SIK3: variants seen among roughly 807,000 people sequenced by gnomAD.
SIK3 encodes the protein serine/threonine-protein kinase SIK3.
A neutral mutation model predicts 144.2 loss-of-function variants in SIK3; 28 were observed. That is an observed-to-expected ratio of 0.19 (90% confidence interval 0.14 to 0.27). The LOEUF is 0.27. Among genes scored for constraint, SIK3 ranks in the 10% least tolerant of loss-of-function variants. The pLI, the probability that SIK3 is intolerant of heterozygous loss-of-function variation, is 1.00. For synonymous variants in SIK3, 686 were observed against 676.3 expected (o/e 1.01, Z -0.22); for missense variants, 1,319 against 1,776.0 (o/e 0.74, Z 4.62).
intron 3 of SIK3, among the ~76,000 whole-genome samples, chr11:116,948,032 T>A (rs1279515820): frequency 1.3e-5 from 2 of 150,986 alleles, no homozygotes; most frequent in Non-Finnish European, 2.9e-5. Flanking sequence ...CCTCCTAGGC[T>A]CAGGTGATCC....
chr11:117,021,454 G>T (rs1341385964), intron 1 of SIK3, among the ~76,000 whole-genome samples: 2 of 152,110 alleles, frequency 1.3e-5, no homozygotes, highest in Admixed American at 1.3e-4. Flanking sequence ...GTAGCACGCT[G>T]ATGAGGTAAA....
At position 116,847,506 on chromosome 11, in the gene SIK3, T is replaced by C. The variant is rs535535866; in HGVS notation, c.3922A>G (p.Ser1308Gly). The C allele has an allele frequency of 1.2e-6, 2 of 1,614,210 alleles. No homozygotes were observed. Among genetic ancestry groups the C allele is most frequent in the South Asian group, 1.1e-5 (1 of 91,074 alleles). Residue 1308 changes from serine (S) to glycine (G), a missense_variant, in exon 23 of 25, where the codon AGC becomes GGC. This residue lies in a region of SIK3 where 646 missense variants were observed against 763.7 expected (regional missense o/e 0.85). Coordinates refer to ENST00000445177, the MANE Select transcript of SIK3 (RefSeq NM_001366686.3). ...TTTTCCCCATCCTGAAACTGCTGGC[T>C]GCCCATGAGCGAAGACTGACTGAGA... is the stretch of plus-strand genomic sequence containing the variant. ...AVLSQSSLMG[S>G]QQFQDGENEE... is the part of the protein sequence containing the mutation.
intron 1 of SIK3, among the ~76,000 whole-genome samples, chr11:117,002,070 C>T (rs1420858843): frequency 6.6e-6 from 1 of 152,202 alleles, no homozygotes; most frequent in Admixed American, 6.5e-5. Context: ...AAACCATTTG[C>T]AGTTCCCTGA....
At chr11:117,028,909 T>C (rs1952138023) in intron 1 of SIK3, among the ~76,000 whole-genome samples, 1 of 152,106 alleles carries the variant, frequency 6.6e-6, no homozygotes. Flanking sequence ...GGCTCATACC[T>C]GTAATCCCAG....
At chr11:117,089,639 A>G (rs1269265751) in intron 1 of SIK3, among the ~76,000 whole-genome samples, 2 of 152,172 alleles carry the variant, frequency 1.3e-5, no homozygotes, top group African/African-American at 4.8e-5. Context: ...TTCACATTCA[A>G]TTCTGGGGGG....
chr11:117,029,240 G>A (rs1244485805), intron 1 of SIK3, among the ~76,000 whole-genome samples: 1 of 152,042 alleles, frequency 6.6e-6, no homozygotes, highest in Non-Finnish European at 1.5e-5. Context: ...AGATGCAGGT[G>A]GATCACTTGA....
intron 6 of SIK3, among the ~76,000 whole-genome samples, chr11:116,889,388 A>G (rs979011582): frequency 5.3e-5 from 8 of 151,894 alleles, no homozygotes; most frequent in Non-Finnish European, 1.5e-5. Flanking sequence ...ATGTAGTGAG[A>G]CTCATCTCTA....
rs545555044 is a variant in SIK3, at chr11:117,031,474, G to A, written c.273+66669C>T. ...CTGCATCTTTATCAAAAATCAGTTG[G>A]GCAATGGCCAATGAATACAGCATTT... On this transcript the variant is annotated intron_variant, in intron 1 of 24. Transcript: ENST00000445177. Among the ~76,000 whole-genome samples the A allele has an allele frequency of 2.7e-4, 40 of 149,656 alleles. 1 individual carries two copies. In the South Asian group the frequency reaches 8.0e-3, roughly 30 times the overall value.
At position 116,978,672 on chromosome 11, in the gene SIK3, AT is replaced by A. The variant is rs939830282; in HGVS notation, c.274-21609del. On this transcript the variant is annotated intron_variant, in intron 1 of 24. Transcript: ENST00000445177. ...GTACACACCACCATGCCCAGATAAT[AT>A]TTTTTTTAATTTGTTGTAGGGAAAG... Among the ~76,000 whole-genome samples, 13 of 151,390 alleles carry A rather than the reference AT, an allele frequency of 8.6e-5. 1 individual carries two copies. The highest frequency in any genetic ancestry group is 6.8e-3 in the Middle Eastern group (2 of 294).
At chr11:116,963,581 T>C (rs765994688) in intron 1 of SIK3, among the ~76,000 whole-genome samples, 27 of 152,210 alleles carry the variant, frequency 1.8e-4, no homozygotes, top group Non-Finnish European at 3.8e-4. Context: ...TCTTTAAAAA[T>C]GGTTTTGACC....
chr11:117,011,530 T>TA (rs1292356721), intron 1 of SIK3, among the ~76,000 whole-genome samples: 9 of 151,442 alleles, frequency 5.9e-5, no homozygotes, highest in Middle Eastern at 6.9e-3. Flanking sequence ...TTTTTTTTTT[T>TA]ACCCCGAACC....
intron 6 of SIK3, among the ~76,000 whole-genome samples, chr11:116,880,913 T>C (rs1180562033): frequency 2.0e-5 from 3 of 152,072 alleles, no homozygotes; most frequent in Admixed American, 1.3e-4. Context: ...TGCTTGAGGC[T>C]AGGAGTTCGA....
At chr11:116,922,258 T>C (rs1416833094) in intron 4 of SIK3, among the ~76,000 whole-genome samples, 1 of 152,102 alleles carries the variant, frequency 6.6e-6, no homozygotes, top group Non-Finnish European at 1.5e-5. Context: ...ATTCTAACAC[T>C]TTGGGAGGTT....
At chr11:116,918,299 T>A (rs1171857504) in intron 4 of SIK3, among the ~76,000 whole-genome samples, 1 of 152,110 alleles carries the variant, frequency 6.6e-6, no homozygotes, top group African/African-American at 2.4e-5. Flanking sequence ...GCGCATGCCA[T>A]CCACCCTCTT....
chr11:116,982,485 T>C (rs1273644211), intron 1 of SIK3, among the ~76,000 whole-genome samples: 1 of 152,034 alleles, frequency 6.6e-6, no homozygotes, highest in African/African-American at 2.4e-5. Context: ...AGACAGGGTT[T>C]CACCATGTTG....
intron 1 of SIK3, among the ~76,000 whole-genome samples, chr11:117,080,069 A>G (rs1954718427): frequency 6.6e-6 from 1 of 152,136 alleles, no homozygotes; most frequent in South Asian, 2.1e-4. Flanking sequence ...TAATAAAGCT[A>G]TGACAACTGA....
chr11:117,032,476 G>T (rs1591576021), intron 1 of SIK3, among the ~76,000 whole-genome samples: 1 of 151,990 alleles, frequency 6.6e-6, no homozygotes, highest in Non-Finnish European at 1.5e-5. Flanking sequence ...ATATAAAAAT[G>T]CAATTGATTT....
chr11:117,078,516 G>C (rs1453591076), intron 1 of SIK3, among the ~76,000 whole-genome samples: 1 of 148,166 alleles, frequency 6.7e-6, no homozygotes, highest in African/African-American at 2.5e-5. Flanking sequence ...CCCTGGTTAA[G>C]CAAGTCTCCT....
chr11:116,933,607 T>C (rs1241304619), intron 3 of SIK3, among the ~76,000 whole-genome samples: 1 of 152,166 alleles, frequency 6.6e-6, no homozygotes, highest in Non-Finnish European at 1.5e-5. Flanking sequence ...TATATGAATA[T>C]AAGTTTGCAT....
Sources: gnomAD v4.1 joint callset for allele counts (sites outside exome capture counted in the v4.1 genomes callset) on GRCh38, gnomAD v4.1.1 for gene constraint, gnomAD v4.1.1 regional missense constraint, MANE v1.5 for transcripts, NCBI Gene and HGNC (gene_info 2026-07-23, HGNC 2026-07-21) for gene names.